The following DTNA variants were observed in gnomAD, a reference collection of about 807,000 sequenced individuals.
DTNA encodes dystrobrevin alpha.
DTNA carries 43 observed loss-of-function variants against 100.7 expected under a neutral mutation model. The observed-to-expected ratio is 0.43, with a 90% CI of 0.33 to 0.55. The LOEUF is 0.55. Ranked by LOEUF, DTNA falls within the 20% of genes least tolerant of loss-of-function variation. DTNA has a pLI of 0.04. For synonymous variants in DTNA, 349 were observed against 347.9 expected, an observed-to-expected ratio of 1.00 and a Z score of -0.04; for missense variants, 798 against 953.9, an observed-to-expected ratio of 0.84 and a Z score of 2.15.
At chr18:34,732,880 T>G (rs1382084466) in intron 1 of DTNA, among the ~76,000 whole-genome samples, 1 of 152,166 alleles carries the variant, frequency 6.6e-6, no homozygotes, top group East Asian at 1.9e-4. Flanking sequence ...ATGCCAATTA[T>G]GCATTCTGGC....
chr18:34,776,587 C>T (rs534634603), intron 3 of DTNA, among the ~76,000 whole-genome samples: 5 of 152,244 alleles, frequency 3.3e-5, no homozygotes, highest in East Asian at 1.9e-4. Context: ...GTGATCTGCC[C>T]GCCTCAGCCT....
intron 1 of DTNA, among the ~76,000 whole-genome samples, chr18:34,568,676 T>C (rs977487676): frequency 6.6e-6 from 1 of 152,158 alleles, no homozygotes; most frequent in African/African-American, 2.4e-5. Flanking sequence ...CAAGCCGGAG[T>C]GCAGTGGCAC....
chr18:34,671,043 G>C (rs2076681298), intron 1 of DTNA, among the ~76,000 whole-genome samples: 1 of 152,192 alleles, frequency 6.6e-6, no homozygotes, highest in Admixed American at 6.5e-5. Context: ...AGGCAGGCAG[G>C]CCTCCTTGAG....
chr18:34,776,411 G>C, intron 3 of DTNA, among the ~76,000 whole-genome samples: 1 of 152,136 alleles, frequency 6.6e-6, no homozygotes, highest in East Asian at 1.9e-4. Context: ...TCAGCTCACT[G>C]CAACCTCTGC....
chr18:34,884,856 C>T lies in DTNA; in HGVS notation c.*31+80C>T. 3.4e-6 allele frequency: 5 copies of T among 1,469,300 alleles called. No individual in the cohort carries two copies. In the South Asian group the frequency reaches 3.4e-5, roughly 10 times the overall value. The allele number at this position is 1,469,300 out of a possible 1,614,324, so 91.0% of individuals were successfully genotyped here. On this transcript the variant is annotated intron_variant, in intron 22 of 22. Coordinates refer to ENST00000444659, the MANE Select transcript of DTNA (RefSeq NM_001386795.1). ...AACCTGTAATGCGAATTCACAATCA[C>T]TTCTCTTAGTCATTTCTTTCTATGT...
At chr18:34,643,751 C>T (rs578063195) in intron 1 of DTNA, among the ~76,000 whole-genome samples, 1 of 152,286 alleles carries the variant, frequency 6.6e-6, no homozygotes, top group African/African-American at 2.4e-5. Context: ...TTCTGCTCCA[C>T]ATTTTGAGGG....
At chr18:34,562,058 C>T (rs1203065578) in intron 1 of DTNA, among the ~76,000 whole-genome samples, 1 of 152,188 alleles carries the variant, frequency 6.6e-6, no homozygotes, top group Non-Finnish European at 1.5e-5. Flanking sequence ...ATACTAGAGA[C>T]TGTGGTAAAG....
intron 11 of DTNA, among the ~76,000 whole-genome samples, chr18:34,830,988 G>C (rs2095995013): frequency 6.6e-6 from 1 of 152,160 alleles, no homozygotes; most frequent in South Asian, 2.1e-4. Flanking sequence ...TGCAAGGACT[G>C]ACCACAAAGC....
At chr18:34,813,933 G>A (rs908435818) in intron 6 of DTNA, among the ~76,000 whole-genome samples, 13 of 150,754 alleles carry the variant, frequency 8.6e-5, no homozygotes, top group Non-Finnish European at 1.6e-4. Context: ...CTCATGGCAT[G>A]CTAAATGTAT....
chr18:34,746,494 G>T (rs778348978), intron 1 of DTNA, among the ~76,000 whole-genome samples: 1 of 152,044 alleles, frequency 6.6e-6, no homozygotes, highest in African/African-American at 2.4e-5. Flanking sequence ...TTGCTAGTGA[G>T]AAATACAGAT....
chr18:34,771,776 G>A (rs1287466898), intron 3 of DTNA, among the ~76,000 whole-genome samples: 1 of 152,098 alleles, frequency 6.6e-6, no homozygotes, highest in Non-Finnish European at 1.5e-5. Flanking sequence ...CTTCTCTTCA[G>A]CTTCCAGATT....
At chr18:34,679,330 C>A (rs1030646495) in intron 1 of DTNA, 1 of 152,142 alleles carries the variant, frequency 6.6e-6, no homozygotes, top group Non-Finnish European at 1.5e-5. Flanking sequence ...TTCTAAATTG[C>A]ATACGTTATT....
intron 1 of DTNA, among the ~76,000 whole-genome samples, chr18:34,641,037 A>G (rs756986367): frequency 2.0e-5 from 3 of 152,204 alleles, no homozygotes; most frequent in Non-Finnish European, 4.4e-5. Flanking sequence ...TTAATCAAAT[A>G]ACGGATGTGC....
intron 1 of DTNA, among the ~76,000 whole-genome samples, chr18:34,596,109 A>G (rs1213412780): frequency 6.6e-6 from 1 of 152,208 alleles, no homozygotes; most frequent in Non-Finnish European, 1.5e-5. Context: ...AGGGCTTTTA[A>G]AAGTGACCTC....
At chr18:34,599,635 A>G (rs2051356849) in intron 1 of DTNA, among the ~76,000 whole-genome samples, 1 of 152,150 alleles carries the variant, frequency 6.6e-6, no homozygotes, top group Admixed American at 6.5e-5. Context: ...TACAGAAGCA[A>G]TGTAGGAAAA....
intron 1 of DTNA, among the ~76,000 whole-genome samples, chr18:34,686,777 G>C (rs1450385004): frequency 2.0e-5 from 3 of 150,450 alleles, no homozygotes; most frequent in South Asian, 2.1e-4. Context: ...CTGGGTTTCT[G>C]TTGGTGGTGG....
chr18:34,627,022 T>C (rs570511701), intron 1 of DTNA, among the ~76,000 whole-genome samples: 25 of 152,252 alleles, frequency 1.6e-4, no homozygotes, highest in Admixed American at 1.3e-3. Flanking sequence ...ACAATGCATG[T>C]TTTTATAGCT....
chr18:34,559,043 G>A (rs1336908316), intron 1 of DTNA, among the ~76,000 whole-genome samples: 1 of 152,164 alleles, frequency 6.6e-6, no homozygotes, highest in Non-Finnish European at 1.5e-5. Flanking sequence ...ACCAGTAGAA[G>A]CAAGCTGTGT....
At chr18:34,533,576 A>G (rs551711866) in intron 1 of DTNA, among the ~76,000 whole-genome samples, 7 of 152,196 alleles carry the variant, frequency 4.6e-5, no homozygotes, top group East Asian at 1.9e-4. Context: ...TAGATAATCA[A>G]AGATTTGAGT....
Sources: gnomAD v4.1 joint callset for allele counts (sites outside exome capture counted in the v4.1 genomes callset) on GRCh38, gnomAD v4.1.1 for gene constraint, MANE v1.5 for transcripts, NCBI Gene and HGNC (gene_info 2026-07-23, HGNC 2026-07-21) for gene names.